The following RYR2 variants were observed in gnomAD, a reference collection of about 807,000 sequenced individuals.
RYR2 encodes ryanodine receptor 2.
A neutral mutation model predicts 601.1 loss-of-function variants in RYR2; 227 were observed. That is an observed-to-expected ratio of 0.38 (90% CI 0.34 to 0.42). The LOEUF (loss-of-function observed/expected upper bound fraction) is 0.42, where lower values mean the gene tolerates loss of function less well. Ranked by LOEUF, RYR2 falls within the 10% of genes least tolerant of loss-of-function variation. The pLI is 1.00. For synonymous variants in RYR2, 2,223 were observed against 2,175.1 expected, an observed-to-expected ratio of 1.02 and a Z score of -0.61; for missense variants, 4,646 against 6,156.5, an observed-to-expected ratio of 0.75 and a Z score of 8.21.
chr1:237,637,685 A>G (rs1236427614), intron 44 of RYR2, among the ~76,000 whole-genome samples: 1 of 152,200 alleles, frequency 6.6e-6, no homozygotes, highest in Non-Finnish European at 1.5e-5. Flanking sequence ...TTTGCATCTC[A>G]TATAGATCTT....
At chr1:237,381,360 T>C (rs989644656) in intron 8 of RYR2, among the ~76,000 whole-genome samples, 10 of 151,906 alleles carry the variant, frequency 6.6e-5, no homozygotes, top group Admixed American at 4.6e-4. Context: ...ATAGGTGATA[T>C]TAACTAAAGA....
intron 1 of RYR2, among the ~76,000 whole-genome samples, chr1:237,250,265 C>T (rs1687314024): frequency 6.6e-6 from 1 of 152,188 alleles, no homozygotes; most frequent in African/African-American, 2.4e-5. Context: ...CAGACACTAT[C>T]ATGATCAGTT....
chr1:237,668,226 T>G (rs117804817), intron 58 of RYR2, among the ~76,000 whole-genome samples: 2 of 152,230 alleles, frequency 1.3e-5, no homozygotes, highest in Non-Finnish European at 2.9e-5. Flanking sequence ...TGAGTTGTTC[T>G]ATGAATGACT....
At chr1:237,445,126 T>C (rs1708215607) in intron 13 of RYR2, among the ~76,000 whole-genome samples, 1 of 152,066 alleles carries the variant, frequency 6.6e-6, no homozygotes, top group African/African-American at 2.4e-5. Flanking sequence ...GGGAGAAGGA[T>C]CACTGAAGCC....
chr1:237,718,366 G>A lies in RYR2; in HGVS notation c.10495-96G>A, dbSNP rs139977705. 1,059 of 611,732 alleles carry A rather than the reference G, an allele frequency of 1.7e-3. 4 individuals carry two copies. The highest frequency in any genetic ancestry group is 2.6e-3 in the Admixed American group (88 of 34,496). The allele number at this position is 611,732 out of a possible 1,614,324, so 37.9% of individuals were successfully genotyped here. ...AATTTTATAAAGATGTTTCTCAGAC[G>A]TATACTATTTCAAAAAAGGTTTGGA... On this transcript the variant is annotated intron_variant, in intron 72 of 104. Coordinates refer to ENST00000366574, the MANE Select transcript of RYR2 (RefSeq NM_001035.3).
intron 1 of RYR2, among the ~76,000 whole-genome samples, chr1:237,221,289 A>G (rs16835013): frequency 0.013 from 1,936 of 152,328 alleles, 54 homozygotes; most frequent in African/African-American, 0.045. Context: ...ATTAGATGAA[A>G]CACTGAAACA....
chr1:237,547,746 A>G (rs898523820), intron 25 of RYR2, among the ~76,000 whole-genome samples: 1 of 152,206 alleles, frequency 6.6e-6, no homozygotes, highest in Non-Finnish European at 1.5e-5. Flanking sequence ...TACAACTTAT[A>G]CCTGTTTTAT....
At chr1:237,226,816 T>A (rs531259948) in intron 1 of RYR2, among the ~76,000 whole-genome samples, 1 of 152,250 alleles carries the variant, frequency 6.6e-6, no homozygotes, top group African/African-American at 2.4e-5. Flanking sequence ...TCACCCAGGG[T>A]GGAGTGTAGT....
In RYR2 at chr1:237,722,999, G is replaced by C. The variant is rs576180202; in HGVS notation, c.10555-129G>C. 32 of 710,626 alleles carry C rather than the reference G, an allele frequency of 4.5e-5. No individual in the cohort carries two copies. In the Admixed American group the frequency reaches 8.0e-4, roughly 18 times the overall value. The allele number at this position is 710,626 out of a possible 1,614,324, so 44.0% of individuals were successfully genotyped here. A position where few individuals can be genotyped will look rare whatever the true frequency, so the allele number is the denominator to read the frequency against. On this transcript the variant is annotated intron_variant, in intron 73 of 104. Coordinates refer to ENST00000366574, the MANE Select transcript of RYR2 (RefSeq NM_001035.3). ...TCATCCTACATAACTGCAGCTGCGCGTCATGTCTTAACTGGTAAACACTGT... is the reference window on the plus strand; with the variant it reads ...TCATCCTACATAACTGCAGCTGCGCCTCATGTCTTAACTGGTAAACACTGT...
intron 17 of RYR2, among the ~76,000 whole-genome samples, chr1:237,475,379 A>T (rs775323961): frequency 6.6e-4 from 101 of 152,282 alleles, no homozygotes; most frequent in Non-Finnish European, 2.5e-4. Flanking sequence ...AATAAGCTAA[A>T]ATTTCTAAGC....
chr1:237,268,660 G>A (rs1048148984), intron 1 of RYR2, among the ~76,000 whole-genome samples: 9 of 151,910 alleles, frequency 5.9e-5, no homozygotes, highest in Admixed American at 1.3e-4. Flanking sequence ...AAATACAGCC[G>A]GGTGCGGTGG....
intron 1 of RYR2, among the ~76,000 whole-genome samples, chr1:237,108,862 C>T (rs1334357924): frequency 6.6e-6 from 1 of 152,202 alleles, no homozygotes; most frequent in Non-Finnish European, 1.5e-5. Flanking sequence ...GCAAGCTCAG[C>T]TTCTGTGTTT....
intron 1 of RYR2, among the ~76,000 whole-genome samples, chr1:237,208,122 G>A (rs958883554): frequency 5.3e-5 from 8 of 152,174 alleles, no homozygotes; most frequent in East Asian, 1.9e-4. Flanking sequence ...AGCCAGCACC[G>A]GCACACCATA....
intron 1 of RYR2, among the ~76,000 whole-genome samples, chr1:237,257,015 G>T (rs1344008927): frequency 6.6e-6 from 1 of 152,106 alleles, no homozygotes; most frequent in South Asian, 2.1e-4. Flanking sequence ...ATGTGGTTTT[G>T]TTGTCATTGA....
Position 237,772,265 on chromosome 1 carries a change from T to C in RYR2, c.11646+165T>C, listed in dbSNP as rs548142908. The stretch of plus-strand genomic sequence containing the variant: ...TCTTAGAGCAAAACAGCCACTGTTA[T>C]CTCTGCTTCTGAACGTGCCTCCTAC... On this transcript the variant is annotated intron_variant, in intron 86 of 104. Transcript: ENST00000366574. Among the ~76,000 whole-genome samples the C allele has an allele frequency of 4.6e-5, 7 of 152,356 alleles. No homozygotes were observed. The East Asian group carries it at 9.6e-4, about 21-fold the overall frequency.
At chr1:237,462,971 GT>G (rs1314685718) in intron 16 of RYR2, among the ~76,000 whole-genome samples, 2 of 152,130 alleles carry the variant, frequency 1.3e-5, no homozygotes, top group Non-Finnish European at 2.9e-5. Flanking sequence ...TCAGACTCCA[GT>G]TTACAAGATC....
chr1:237,270,666 G>A (rs1446898834), intron 2 of RYR2, 50 bp downstream of exon 2: 2 of 1,545,596 alleles, frequency 1.3e-6, no homozygotes, highest in East Asian at 2.4e-5. Flanking sequence ...TTTACTAGTG[G>A]CATTGAAGTT....
At position 237,500,861 on chromosome 1, in the gene RYR2, A is replaced by C; in HGVS notation, c.2354A>C (p.Asp785Ala). The change falls in exon 21 of 105, where the codon GAT becomes GCT. Residue 785 changes from aspartate to alanine, a missense_variant. By Grantham distance (126) the Asp-to-Ala change is moderately radical. This residue lies in a region of RYR2 where 1,807 missense variants were observed against 2,088.1 expected (regional missense o/e 0.87). Coordinates refer to ENST00000366574, the MANE Select transcript of RYR2 (RefSeq NM_001035.3). Reference sequence around the variant, plus strand: ...GGAATGTTTGAGAATTTCAACATCGATGGCCTCTTCTTTCCAGTCGTTAGT... The same window carrying C: ...GGAATGTTTGAGAATTTCAACATCGCTGGCCTCTTCTTTCCAGTCGTTAGT... ...VQGMFENFNI[D>A]GLFFPVVSFS... 1 of 1,614,024 alleles carries C rather than the reference A, an allele frequency of 6.2e-7. No homozygotes were observed. Among genetic ancestry groups the C allele is most frequent in the African/African-American group, 1.3e-5 (1 of 75,046 alleles).
At chr1:237,272,246 T>C (rs767369126) in intron 2 of RYR2, among the ~76,000 whole-genome samples, 5 of 151,772 alleles carry the variant, frequency 3.3e-5, no homozygotes, top group Non-Finnish European at 5.9e-5. Context: ...TATGTAAAAC[T>C]CCCTTACAGG....
Sources: allele counts gnomAD v4.1 joint callset (sites outside exome capture counted in the v4.1 genomes callset), GRCh38; gene constraint gnomAD v4.1.1; regional missense constraint gnomAD v4.1.1; transcripts MANE v1.5; gene names NCBI Gene and HGNC (gene_info 2026-07-23, HGNC 2026-07-21).